MAML3: variants seen among roughly 807,000 people sequenced by gnomAD.
The protein encoded by MAML3 is mastermind like transcriptional coactivator 3.
A neutral mutation model predicts 101.9 loss-of-function variants in MAML3; 27 were observed. The ratio of observed to expected loss-of-function variants is 0.27; its 90% CI spans 0.20 to 0.37. The LOEUF (loss-of-function observed/expected upper bound fraction) is 0.37, where lower values mean the gene tolerates loss of function less well. Ranked by LOEUF, MAML3 falls within the 10% of genes least tolerant of loss-of-function variation. The probability of loss-of-function intolerance (pLI) is 1.00; values close to 1 mark genes in which losing one functional copy is unlikely to be tolerated. For synonymous variants in MAML3, 501 were observed against 555.9 expected, an observed-to-expected ratio of 0.90 and a Z score of 1.39; for missense variants, 1,316 against 1,444.9, an observed-to-expected ratio of 0.91 and a Z score of 1.45.
chr4:140,073,566 T>C (rs893300708), intron 1 of MAML3, among the ~76,000 whole-genome samples: 7 of 152,156 alleles, frequency 4.6e-5, no homozygotes, highest in East Asian at 1.9e-4. Context: ...TGTGAGGTAT[T>C]GTGCCAGGCA....
chr4:139,801,643 G>GTGTGTGTGTGTGTGT (rs1560798508), intron 2 of MAML3, among the ~76,000 whole-genome samples: 72 of 30,762 alleles, frequency 2.3e-3, no homozygotes, highest in African/African-American at 6.0e-3. Flanking sequence ...GGTGTGTGTG[G>GTGTGTGTGTGTGTGT]GTGTGTGTGT....
intron 2 of MAML3, among the ~76,000 whole-genome samples, chr4:139,745,962 C>T (rs1002623656): frequency 2.0e-5 from 3 of 152,174 alleles, no homozygotes; most frequent in African/African-American, 7.2e-5. Flanking sequence ...ACTTGTTTCT[C>T]CAACTTTCTC....
chr4:140,129,075 C>T (rs192730493), intron 1 of MAML3, among the ~76,000 whole-genome samples: 3 of 152,142 alleles, frequency 2.0e-5, no homozygotes, highest in South Asian at 4.2e-4. Flanking sequence ...GACAAATCAA[C>T]AAAACTCTCG....
intron 2 of MAML3, among the ~76,000 whole-genome samples, chr4:139,859,066 G>A (rs1303887027): frequency 1.3e-5 from 2 of 151,940 alleles, no homozygotes; most frequent in Non-Finnish European, 2.9e-5. Context: ...ATATCAAAAG[G>A]CAGCCCAAGT....
Position 139,719,186 on chromosome 4 carries a change from C to T in MAML3, c.*137G>A, listed in dbSNP as rs1728118447. 3.0e-6 allele frequency: 3 copies of T among 985,596 alleles called. No individual in the cohort carries two copies. The highest frequency in any genetic ancestry group is 6.5e-4 in the Middle Eastern group (2 of 3,094). 61.1% of individuals were successfully genotyped at this position (985,596 alleles called of 1,614,324 possible). Reference sequence around the variant, plus strand: ...GGCTGTGGATTGGCACCTGGATCTTCCATTGTCAGCCAGCTGCAGTTTTGC... The same window carrying T: ...GGCTGTGGATTGGCACCTGGATCTTTCATTGTCAGCCAGCTGCAGTTTTGC... On this transcript the variant is annotated 3_prime_UTR_variant, in exon 5 of 5. Coordinates refer to ENST00000509479, the MANE Select transcript of MAML3 (RefSeq NM_018717.5).
At chr4:139,989,041 C>A (rs553158869) in intron 1 of MAML3, among the ~76,000 whole-genome samples, 1 of 152,194 alleles carries the variant, frequency 6.6e-6, no homozygotes, top group African/African-American at 2.4e-5. Context: ...TGGCTACAGA[C>A]TTACTAAATT....
intron 2 of MAML3, among the ~76,000 whole-genome samples, chr4:139,746,953 T>G (rs1385842510): frequency 6.6e-6 from 1 of 152,172 alleles, no homozygotes; most frequent in Non-Finnish European, 1.5e-5. Flanking sequence ...GGGGTTCATC[T>G]TAAGAAATTG....
At chr4:139,737,143 T>C (rs1398164224) in intron 2 of MAML3, among the ~76,000 whole-genome samples, 1 of 152,082 alleles carries the variant, frequency 6.6e-6, no homozygotes, top group African/African-American at 2.4e-5. Context: ...ATCCCTAGAC[T>C]TACAAGTCCC....
At chr4:140,132,403 C>T (rs1351418865) in intron 1 of MAML3, among the ~76,000 whole-genome samples, 5 of 152,214 alleles carry the variant, frequency 3.3e-5, no homozygotes, top group African/African-American at 1.2e-4. Context: ...AGATGACTCT[C>T]AGATACCTGT....
chr4:139,961,958 T>A (rs1734022516), intron 1 of MAML3, among the ~76,000 whole-genome samples: 1 of 151,832 alleles, frequency 6.6e-6, no homozygotes, highest in Admixed American at 6.6e-5. Context: ...TATAAAAAAA[T>A]ACAAAAAATT....
chr4:139,758,267 G>C (rs1414577381), intron 2 of MAML3, among the ~76,000 whole-genome samples: 1 of 152,174 alleles, frequency 6.6e-6, no homozygotes, highest in African/African-American at 2.4e-5. Context: ...CTAAATCACA[G>C]TTCTGGCCAT....
intron 2 of MAML3, among the ~76,000 whole-genome samples, chr4:139,771,823 T>C (rs997314486): frequency 2.0e-5 from 3 of 152,022 alleles, no homozygotes; most frequent in African/African-American, 7.2e-5. Context: ...GATTTGGATC[T>C]CTGGGATGGG....
At chr4:139,963,352 C>T (rs1278573092) in intron 1 of MAML3, among the ~76,000 whole-genome samples, 1 of 152,086 alleles carries the variant, frequency 6.6e-6, no homozygotes, top group Non-Finnish European at 1.5e-5. Flanking sequence ...GAATGGTCCC[C>T]AAGATTGTGT....
At chr4:139,860,440 G>A (rs1411773874) in intron 2 of MAML3, among the ~76,000 whole-genome samples, 11 of 152,238 alleles carry the variant, frequency 7.2e-5, no homozygotes, top group Non-Finnish European at 1.5e-4. Flanking sequence ...ACACGAGGCT[G>A]GGACACCAGT....
At chr4:140,009,296 G>A (rs1378793099) in intron 1 of MAML3, among the ~76,000 whole-genome samples, 5 of 152,148 alleles carry the variant, frequency 3.3e-5, no homozygotes, top group African/African-American at 4.8e-5. Flanking sequence ...CACAGGCCTT[G>A]TGCTGCACAG....
At chr4:139,948,312 G>T (rs76465474) in intron 1 of MAML3, among the ~76,000 whole-genome samples, 5,647 of 152,198 alleles carry the variant, frequency 0.037, 374 homozygotes, top group African/African-American at 0.13. Context: ...AACAGTTGAT[G>T]GGCCTTTAGG....
chr4:140,060,295 G>T lies in MAML3; in HGVS notation c.468+92565C>A, dbSNP rs1188417447. 2.1e-5 allele frequency among the ~76,000 whole-genome samples: 3 copies of T among 144,452 alleles called. No homozygotes were observed. In the South Asian group the frequency reaches 6.8e-4, roughly 33 times the overall value. The allele number at this position is 144,452 out of a possible 152,430, so 94.8% of individuals were successfully genotyped here. On this transcript the variant is annotated intron_variant, in intron 1 of 4. Coordinates refer to ENST00000509479, the MANE Select transcript of MAML3 (RefSeq NM_018717.5). ...GCAGGAGAATTGCTTGAACCCGGGA[G>T]GGGGAGGTTGCAGTGAGCTGAGATC...
chr4:140,152,808 A>ACCCCCC, intron 1 of MAML3, 52 bp downstream of exon 1: 4 of 1,466,236 alleles, frequency 2.7e-6, no homozygotes, highest in Admixed American at 4.0e-5. Context: ...GCCCCCCACC[A>ACCCCCC]CCACCACCAC....
chr4:140,053,291 G>A (rs1182281972), intron 1 of MAML3, among the ~76,000 whole-genome samples: 2 of 152,048 alleles, frequency 1.3e-5, no homozygotes, highest in African/African-American at 2.4e-5. Flanking sequence ...TGGAAATGGG[G>A]GGCACTCCTA....
Sources: allele counts gnomAD v4.1 joint callset (sites outside exome capture counted in the v4.1 genomes callset), GRCh38; gene constraint gnomAD v4.1.1; transcripts MANE v1.5; gene names NCBI Gene and HGNC (gene_info 2026-07-23, HGNC 2026-07-21).